The following FBXL13 variants were observed in gnomAD, a reference collection of about 807,000 sequenced individuals.
FBXL13 encodes the protein F-box and leucine rich repeat protein 13.
In FBXL13, 67 loss-of-function variants were observed where a neutral mutation model predicts 83.6. That is an observed-to-expected ratio of 0.80 (90% CI 0.66 to 0.98). The LOEUF (loss-of-function observed/expected upper bound fraction) is 0.98. Among genes scored for constraint, FBXL13 ranks in the 50% least tolerant of loss-of-function variants. The pLI, the probability that FBXL13 is intolerant of heterozygous loss-of-function variation, is 0.00. For synonymous variants in FBXL13, 272 were observed against 299.5 expected (o/e 0.91, Z 0.95); for missense variants, 822 against 866.5 (o/e 0.95, Z 0.64).
At chr7:103,017,335 C>T (rs111339738) in intron 6 of FBXL13, among the ~76,000 whole-genome samples, 2 of 151,376 alleles carry the variant, frequency 1.3e-5, no homozygotes, top group Non-Finnish European at 1.5e-5. Context: ...ACGTCACCAT[C>T]ATCAAAGACC....
chr7:102,846,722 AAAT>A (rs1397294049), intron 17 of FBXL13, among the ~76,000 whole-genome samples: 1 of 82,358 alleles, frequency 1.2e-5, no homozygotes, highest in East Asian at 3.6e-4. Context: ...TGCTAATTGC[AAAT>A]AATACCCCAG....
chr7:102,958,066 A>G (rs1029273837), intron 8 of FBXL13, among the ~76,000 whole-genome samples: 1 of 152,132 alleles, frequency 6.6e-6, no homozygotes, highest in Non-Finnish European at 1.5e-5. Flanking sequence ...AAATCATGCT[A>G]CTATAAAGAC....
chr7:102,970,360 TGAAAA>T (rs1308404947), intron 6 of FBXL13, among the ~76,000 whole-genome samples: 1 of 151,942 alleles, frequency 6.6e-6, no homozygotes, highest in Non-Finnish European at 1.5e-5. Flanking sequence ...AAAAAATGAA[TGAAAA>T]GAAAAAAAGA....
intron 8 of FBXL13, among the ~76,000 whole-genome samples, chr7:102,954,954 C>A (rs1235429980): frequency 6.6e-6 from 1 of 152,114 alleles, no homozygotes; most frequent in African/African-American, 2.4e-5. Flanking sequence ...GAGAGTTTAA[C>A]ACCCCACTGT....
At chr7:102,983,421 CCTTT>C (rs1828516007) in intron 6 of FBXL13, among the ~76,000 whole-genome samples, 1 of 145,436 alleles carries the variant, frequency 6.9e-6, no homozygotes. Context: ...TCTTTTTTCC[CCTTT>C]TTTTTTTTTT....
Position 102,954,781 on chromosome 7 carries a change from A to C in FBXL13, c.724+8752T>G, listed in dbSNP as rs559928812. ...AACAGACTTTAAACCAACAAAGATC[A>C]AAAGAGACAAAGAAGGCCATGACAT... is the stretch of plus-strand genomic sequence containing the variant. On this transcript the variant is annotated intron_variant, in intron 8 of 19. Coordinates refer to ENST00000313221, the Ensembl canonical transcript of FBXL13. Among the ~76,000 whole-genome samples the C allele has an allele frequency of 2.6e-5, 4 of 152,346 alleles. No homozygotes were observed. In the South Asian group the frequency reaches 8.3e-4, roughly 32 times the overall value.
In FBXL13 at chr7:102,829,438, G is replaced by A. The variant is rs1432854431; in HGVS notation, c.1854+3402C>T. ...CGCTTACCTTATCCCTCTCAGAGGT[G>A]CATTGCAGAGACATTTTGTCATTGT... On this transcript the variant is annotated intron_variant, in intron 18 of 19. Transcript: ENST00000313221. Among the ~76,000 whole-genome samples, 4 of 152,292 alleles carry A rather than the reference G, an allele frequency of 2.6e-5. No individual in the cohort carries two copies. In the South Asian group the frequency reaches 6.2e-4, roughly 24 times the overall value.
chr7:102,971,368 C>T (rs761812066), intron 6 of FBXL13, among the ~76,000 whole-genome samples: 52 of 152,000 alleles, frequency 3.4e-4, no homozygotes, highest in Non-Finnish European at 6.5e-4. Flanking sequence ...GAGGCTGAGG[C>T]AGGCAGATCA....
chr7:102,894,716 A>G (rs1298658309), intron 11 of FBXL13, among the ~76,000 whole-genome samples: 1 of 151,458 alleles, frequency 6.6e-6, no homozygotes, highest in Non-Finnish European at 1.5e-5. Flanking sequence ...GTCACAGAGA[A>G]AGACTTTGTC....
intron 8 of FBXL13, among the ~76,000 whole-genome samples, chr7:102,960,619 C>T (rs1403926822): frequency 1.3e-5 from 2 of 152,112 alleles, no homozygotes; most frequent in Non-Finnish European, 2.9e-5. Context: ...AGCAGCACAT[C>T]AAAAAGCTTA....
intron 16 of FBXL13, among the ~76,000 whole-genome samples, 153 bp from the exon 18 acceptor site, chr7:102,855,013 A>T (rs572010958): frequency 6.6e-6 from 1 of 152,302 alleles, no homozygotes; most frequent in African/African-American, 2.4e-5. Flanking sequence ...CACTTAACAA[A>T]TCGTAAGACC....
chr7:103,019,444 G>A (rs1792835704), intron 6 of FBXL13, among the ~76,000 whole-genome samples: 1 of 152,148 alleles, frequency 6.6e-6, no homozygotes. Flanking sequence ...ATATTCAAAA[G>A]CTAGCAGAAG....
intron 18 of FBXL13, among the ~76,000 whole-genome samples, chr7:102,828,298 C>T (rs887194256): frequency 1.3e-5 from 2 of 151,780 alleles, no homozygotes; most frequent in South Asian, 2.1e-4. Flanking sequence ...AGGTCCTTCA[C>T]GTCCCTTGTA....
chr7:102,983,155 AAAAATC>A lies in FBXL13; in HGVS notation c.496-15044_496-15039del, dbSNP rs1474711655. Among the ~76,000 whole-genome samples the A allele has an allele frequency of 2.0e-5, 3 of 152,088 alleles. No homozygotes were observed. In the East Asian group the frequency reaches 5.8e-4, roughly 29 times the overall value. The stretch of plus-strand genomic sequence containing the variant: ...AGGGGTGGTAGGGGTGAGTTCTAAG[AAAAATC>A]AATATTGTCTTGCTTGGCAACTGCC... On this transcript the variant is annotated intron_variant, in intron 6 of 19. Coordinates refer to ENST00000313221, the Ensembl canonical transcript of FBXL13.
At chr7:102,979,801 C>T (rs1445517010) in intron 6 of FBXL13, among the ~76,000 whole-genome samples, 1 of 151,990 alleles carries the variant, frequency 6.6e-6, no homozygotes, top group African/African-American at 2.4e-5. Flanking sequence ...GAAAGACTAG[C>T]ATACTGAAAA....
intron 6 of FBXL13, among the ~76,000 whole-genome samples, chr7:102,971,385 G>A (rs1826630518): frequency 6.6e-6 from 1 of 151,744 alleles, no homozygotes; most frequent in South Asian, 2.1e-4. Flanking sequence ...ATCACCTAAG[G>A]TTGGGCGTTC....
intron 6 of FBXL13, among the ~76,000 whole-genome samples, chr7:102,986,210 A>G (rs1273852569): frequency 6.6e-6 from 1 of 152,220 alleles, no homozygotes; most frequent in African/African-American, 2.4e-5. Context: ...GTTGACAACC[A>G]TCAGAAGCCA....
At chr7:102,928,969 G>A (rs1818637829) in intron 9 of FBXL13, among the ~76,000 whole-genome samples, 1 of 152,016 alleles carries the variant, frequency 6.6e-6, no homozygotes, top group Admixed American at 6.6e-5. Flanking sequence ...GACCCTGAAG[G>A]GTACTTTTGA....
chr7:103,016,869 T>G (rs1239412475), intron 6 of FBXL13, among the ~76,000 whole-genome samples: 3 of 152,202 alleles, frequency 2.0e-5, no homozygotes, highest in South Asian at 2.1e-4. Context: ...CCAGGAGGCC[T>G]ACCTGCCTCT....
Sources: allele counts gnomAD v4.1 joint callset (sites outside exome capture counted in the v4.1 genomes callset), GRCh38; gene constraint gnomAD v4.1.1; transcripts MANE v1.5; gene names NCBI Gene and HGNC (gene_info 2026-07-23, HGNC 2026-07-21).